TCHP: variants seen among roughly 807,000 people sequenced by gnomAD.
The protein encoded by TCHP is trichoplein keratin filament-binding protein.
A neutral mutation model predicts 88.7 loss-of-function variants in TCHP; 81 were observed. The observed-to-expected ratio is 0.91, with a 90% CI of 0.76 to 1.10. The LOEUF is 1.10. Among genes scored for constraint, TCHP ranks in the 50% least tolerant of loss-of-function variants. TCHP has a pLI of 0.00. For missense variants in TCHP, 641 were observed against 632.1 expected, an observed-to-expected ratio of 1.01 and a Z score of -0.15; for synonymous variants, 232 against 232.5, an observed-to-expected ratio of 1.00 and a Z score of 0.02.
intron 5 of TCHP, 63 bp downstream of exon 5, chr12:109,906,703 C>A: frequency 7.1e-7 from 1 of 1,402,732 alleles, no homozygotes; most frequent in Non-Finnish European, 1.0e-6. Flanking sequence ...CACGTCTTTG[C>A]ATTCGTTTAC....
chr12:109,902,202 C>T (rs1404049690), intron 1 of TCHP, among the ~76,000 whole-genome samples: 1 of 152,146 alleles, frequency 6.6e-6, no homozygotes, highest in Non-Finnish European at 1.5e-5. Flanking sequence ...GAGACAGAGT[C>T]TCACTGTCAC....
chr12:109,902,513 G>A (rs1029891595), intron 1 of TCHP, among the ~76,000 whole-genome samples: 1 of 151,694 alleles, frequency 6.6e-6, no homozygotes, highest in Non-Finnish European at 1.5e-5. Flanking sequence ...TTGCACTGTC[G>A]CCTAGGCTGG....
At position 109,913,092 on chromosome 12, in the gene TCHP, T is replaced by C. The variant is rs373288086; in HGVS notation, c.1134+20T>C. On this transcript the variant is annotated intron_variant, in intron 10 of 12. Transcript: ENST00000405876. Reference sequence around the variant, plus strand: ...AGCGAGGTAATCCCAGCTGCGGCGATGTGGACCGGCTGTTGGGTCTTGGGC... The same window carrying C: ...AGCGAGGTAATCCCAGCTGCGGCGACGTGGACCGGCTGTTGGGTCTTGGGC... The C allele has an allele frequency of 3.7e-6, 6 of 1,612,826 alleles. No homozygotes were observed. Among genetic ancestry groups the C allele is most frequent in the African/African-American group, 1.3e-5 (1 of 74,908 alleles).
the TCHP span, among the ~76,000 whole-genome samples, chr12:109,883,692 A>G: frequency 2.0e-5 from 3 of 152,222 alleles, no homozygotes; most frequent in Non-Finnish European, 2.9e-5. Context: ...GACCTCTGGC[A>G]TCAGACAACA....
In TCHP at chr12:109,908,587, C is replaced by A; in HGVS notation, c.701C>A (p.Ala234Glu). 6.3e-7 allele frequency: 1 copy of A among 1,595,044 alleles called. No homozygotes were observed. Among genetic ancestry groups the A allele is most frequent in the South Asian group, 1.1e-5 (1 of 87,322 alleles). Residue 234 changes from alanine to glutamate, a missense_variant and splice_region_variant, in exon 7 of 13, where the codon GCG becomes GAG. Physicochemically the swap from Ala to Glu is moderately radical, Grantham distance 107. Transcript: ENST00000405876. ...AGCTTACTCTCATCATCACCACAGG[C>A]GACCAAACTAAAGAAGGAGCAGGAG... ...MEELKLKEVE[A>E]TKLKKEQENL...
chr12:109,898,230 G>C (rs1303478672), upstream of TCHP, among the ~76,000 whole-genome samples: 1 of 152,192 alleles, frequency 6.6e-6, no homozygotes, highest in African/African-American at 2.4e-5. Context: ...TGTTTTTTGA[G>C]ACAGAGTCTT....
Position 109,906,626 on chromosome 12 carries a change from G to T in TCHP, c.511G>T (p.Glu171Ter). The change falls in exon 5 of 13, where the codon GAA becomes TAA. Residue 171 changes from glutamate to a stop codon, truncating the protein, a stop_gained. Coordinates refer to ENST00000405876, the MANE Select transcript of TCHP (RefSeq NM_001143852.2). LOFTEE classifies it high-confidence loss of function. The stretch of plus-strand genomic sequence containing the variant: ...CGTAAACTCTTGGGAAATGCAGAAA[G>T]AAGAAAAAAAACAGGTGTGGTATGT... ...HVVNSWEMQK[E>*]EKKQQEATAE... 1 of 1,609,036 alleles carries T rather than the reference G, an allele frequency of 6.2e-7. No individual in the cohort carries two copies.
the TCHP span, among the ~76,000 whole-genome samples, chr12:109,890,209 TAA>T: frequency 4.1e-5 from 6 of 147,964 alleles, no homozygotes; most frequent in Admixed American, 4.2e-4. Context: ...GTCACAATCC[TAA>T]GACAGTGTCA....
At position 109,906,646 on chromosome 12, in the gene TCHP, G is replaced by A. The variant is rs747194378; in HGVS notation, c.525+6G>A. 2.6e-5 allele frequency: 41 copies of A among 1,604,712 alleles called. No individual in the cohort carries two copies. In the East Asian group the frequency reaches 8.9e-4, roughly 35 times the overall value. On this transcript the variant is annotated splice_donor_region_variant and intron_variant, in intron 5 of 12. Coordinates refer to ENST00000405876, the MANE Select transcript of TCHP (RefSeq NM_001143852.2). ...AGAAAGAAGAAAAAAAACAGGTGTG[G>A]TATGTGGCTCTGGGAATAGCCGCGT...
At chr12:109,913,717 T>C (rs570343043) in intron 10 of TCHP, among the ~76,000 whole-genome samples, 2 of 152,352 alleles carry the variant, frequency 1.3e-5, no homozygotes, top group South Asian at 2.1e-4. Flanking sequence ...TGAAAGCTGT[T>C]GTAAAGTGGT....
In TCHP at chr12:109,911,131, C is replaced by T; in HGVS notation, c.948C>T (p.Ala316=). 6.3e-7 allele frequency: 1 copy of T among 1,596,528 alleles called. No individual in the cohort carries two copies. Among genetic ancestry groups the T allele is most frequent in the Non-Finnish European group, 8.5e-7 (1 of 1,173,102 alleles). Residue 316 remains alanine, a synonymous_variant, in exon 9 of 13, where the codon GCC becomes GCT. Coordinates refer to ENST00000405876, the MANE Select transcript of TCHP (RefSeq NM_001143852.2). ...ACGAGAGCCAGCGCCTCCACCTGGC[C>T]AGGCGGGAGCAGGTCATGGCCGATG... ...KEDESQRLHL[A]RREQVMADVA...
At position 109,902,995 on chromosome 12, in the gene TCHP, G is replaced by A. The variant is rs765347553; in HGVS notation, c.1-32G>A. On this transcript the variant is annotated intron_variant, in intron 1 of 12. Coordinates refer to ENST00000405876, the MANE Select transcript of TCHP (RefSeq NM_001143852.2). ...CTGGTGAGGGTTCCTGGGATTTGCA[G>A]TGGCTCACTTTCCTCCCATTCCTGT... The A allele has an allele frequency of 1.9e-6, 3 of 1,566,498 alleles. No individual in the cohort carries two copies. The South Asian group carries it at 3.5e-5, about 18-fold the overall frequency.
Position 109,903,329 on chromosome 12 carries a change from A to G in TCHP, c.188+115A>G, listed in dbSNP as rs1869925870. 1 of 914,894 alleles carries G rather than the reference A, an allele frequency of 1.1e-6. No individual in the cohort carries two copies. Among genetic ancestry groups the G allele is most frequent in the Admixed American group, 2.8e-5 (1 of 35,862 alleles). The allele number at this position is 914,894 out of a possible 1,614,324, so 56.7% of individuals were successfully genotyped here. ...TTGCCAGGCAGTATGAATTACCTGCATGGTGATGTTTTTCCAGCTGGAAAT... is the reference window on the plus strand; with the variant it reads ...TTGCCAGGCAGTATGAATTACCTGCGTGGTGATGTTTTTCCAGCTGGAAAT... On this transcript the variant is annotated intron_variant, in intron 2 of 12. Coordinates refer to ENST00000405876, the MANE Select transcript of TCHP (RefSeq NM_001143852.2). The surrounding 1 kb of genome is among the most constrained non-coding windows in gnomAD (Gnocchi z 4.6).
the TCHP span, among the ~76,000 whole-genome samples, chr12:109,893,145 T>TC: frequency 4.6e-5 from 7 of 152,186 alleles, no homozygotes; most frequent in South Asian, 8.3e-4. Context: ...TTTGGAAGGC[T>TC]GAGGTGGGTG....
chr12:109,900,396 ACT>A lies in TCHP; in HGVS notation c.-28_-27del, dbSNP rs1869711010. The A allele has an allele frequency of 6.6e-6, 1 of 152,020 alleles. No individual in the cohort carries two copies. The highest frequency in any genetic ancestry group is 6.5e-5 in the Admixed American group (1 of 15,270). 9.4% of individuals were successfully genotyped at this position (152,020 alleles called of 1,614,324 possible). A position where few individuals can be genotyped will look rare whatever the true frequency, so the allele number is the denominator to read the frequency against. On this transcript the variant is annotated 5_prime_UTR_variant, in exon 1 of 13. Transcript: ENST00000405876. ...TGCCTGCGGGAAGTCGGGCCGGGGG[ACT>A]CTTCGGAAACTCCGAGCCTCAGAGA...
chr12:109,911,008 C>T, intron 8 of TCHP, 55 bp from the exon 9 acceptor site: 1 of 1,449,920 alleles, frequency 6.9e-7, no homozygotes, highest in Non-Finnish European at 9.1e-7. Context: ...TGTAGGCTCT[C>T]ATTGCAGAAG....
chr12:109,908,762 C>G, intron 7 of TCHP, 64 bp downstream of exon 7: 2 of 1,556,220 alleles, frequency 1.3e-6, no homozygotes, highest in East Asian at 2.3e-5. Context: ...TTCAGACTTG[C>G]ATTCGTGTTG....
intron 11 of TCHP, 75 bp downstream of exon 11, chr12:109,914,702 C>A: frequency 7.6e-7 from 1 of 1,321,780 alleles, no homozygotes; most frequent in South Asian, 1.4e-5. Flanking sequence ...GGGTTCAGAG[C>A]CGCTGGACTG....
chr12:109,892,564 G>A, the TCHP span, among the ~76,000 whole-genome samples: 2 of 152,198 alleles, frequency 1.3e-5, no homozygotes, highest in Non-Finnish European at 2.9e-5. Flanking sequence ...CTTGAACTTT[G>A]GGACTTAGGA....
Sources: allele counts gnomAD v4.1 joint callset (sites outside exome capture counted in the v4.1 genomes callset), GRCh38; gene constraint gnomAD v4.1.1; non-coding constraint Gnocchi (gnomAD v3.1); transcripts MANE v1.5; gene names NCBI Gene and HGNC (gene_info 2026-07-23, HGNC 2026-07-21).